KAZN: variants seen among roughly 807,000 people sequenced by gnomAD.
The protein encoded by KAZN is kazrin, periplakin interacting protein, also known as kazrin.
KAZN carries 40 observed loss-of-function variants against 87.4 expected under a neutral mutation model. The ratio of observed to expected loss-of-function variants is 0.46; its 90% CI spans 0.36 to 0.60. The LOEUF (loss-of-function observed/expected upper bound fraction) is 0.60. Among genes scored for constraint, KAZN ranks in the 20% least tolerant of loss-of-function variants. The probability of loss-of-function intolerance (pLI) is 0.00; values close to 1 mark genes in which losing one functional copy is unlikely to be tolerated. For missense variants in KAZN, 898 were observed against 1,073.9 expected, an observed-to-expected ratio of 0.84 and a Z score of 2.29; for synonymous variants, 466 against 458.3, an observed-to-expected ratio of 1.02 and a Z score of -0.22.
Position 15,049,853 on chromosome 1 carries a change from G to A in KAZN, c.726+5694G>A, listed in dbSNP as rs183993718. On this transcript the variant is annotated intron_variant, in intron 4 of 14. Coordinates refer to ENST00000376030, the MANE Select transcript of KAZN (RefSeq NM_201628.3). Reference sequence around the variant, plus strand: ...TAGGTTGGCCAACATGGTGAAACCCGTCTCTACTAAAAATACAAAAATTAG... The same window carrying A: ...TAGGTTGGCCAACATGGTGAAACCCATCTCTACTAAAAATACAAAAATTAG... Among the ~76,000 whole-genome samples, 428 of 152,136 alleles carry A rather than the reference G, an allele frequency of 2.8e-3. 3 individuals are homozygous for A. The highest frequency in any genetic ancestry group is 9.3e-3 in the African/African-American group (385 of 41,500).
At chr1:14,910,475 C>T (rs372667555) in intron 1 of KAZN, among the ~76,000 whole-genome samples, 1 of 152,192 alleles carries the variant, frequency 6.6e-6, no homozygotes, top group African/African-American at 2.4e-5. Flanking sequence ...TCATTCTGTG[C>T]ACCCACTAGA....
In KAZN at chr1:15,014,411, C is replaced by T. The variant is rs571671670; in HGVS notation, c.419-20338C>T. On this transcript the variant is annotated intron_variant, in intron 2 of 14. Coordinates refer to ENST00000376030, the MANE Select transcript of KAZN (RefSeq NM_201628.3). ...CAACCACAGTGCTCCACGGCGGAGG[C>T]TGGGTATGGTTATCATTGCTGCTCC... Among the ~76,000 whole-genome samples, 17 of 152,224 alleles carry T rather than the reference C, an allele frequency of 1.1e-4. No homozygotes were observed. In the East Asian group the frequency reaches 3.3e-3, roughly 29 times the overall value.
At chr1:13,909,356 G>C (rs185994582) in intron 1 of KAZN, among the ~76,000 whole-genome samples, 6 of 152,268 alleles carry the variant, frequency 3.9e-5, no homozygotes, top group Admixed American at 6.5e-5. Context: ...GTAAACCTAC[G>C]AAAGGCTGTG....
chr1:14,480,860 C>A lies in KAZN; in HGVS notation c.250-118123C>A, dbSNP rs570969349. 2.7e-5 allele frequency among the ~76,000 whole-genome samples: 4 copies of A among 146,676 alleles called. No individual in the cohort carries two copies. The East Asian group carries it at 7.8e-4, about 29-fold the overall frequency. ...CAAGGAACAGATTCTCACCCACTCC[C>A]CTTAGCTGCTCACATCTTCGACCTA... On this transcript the variant is annotated intron_variant, in intron 2 of 16. Transcript: ENST00000636203.
At chr1:14,825,654 C>T (rs781642422) in intron 1 of KAZN, among the ~76,000 whole-genome samples, 3 of 152,188 alleles carry the variant, frequency 2.0e-5, no homozygotes, top group African/African-American at 7.2e-5. Flanking sequence ...TAAGGGACCA[C>T]GTTGGGATTG....
chr1:14,332,001 A>G (rs1471463425), intron 2 of KAZN, among the ~76,000 whole-genome samples: 2 of 152,176 alleles, frequency 1.3e-5, no homozygotes, highest in Admixed American at 1.3e-4. Flanking sequence ...TCTGGAGTTG[A>G]CAGAGTTTCT....
At chr1:14,126,512 G>A (rs1450415062) in intron 1 of KAZN, among the ~76,000 whole-genome samples, 6 of 152,094 alleles carry the variant, frequency 3.9e-5, no homozygotes, top group Non-Finnish European at 8.8e-5. Flanking sequence ...TTCCTGGTAT[G>A]TTTCCTTTAC....
At chr1:14,533,592 A>G (rs762612250) in intron 2 of KAZN, among the ~76,000 whole-genome samples, 2 of 152,130 alleles carry the variant, frequency 1.3e-5, no homozygotes, top group South Asian at 2.1e-4. Context: ...GCAGACCCAT[A>G]ATAAATTTTA....
chr1:14,666,143 A>C (rs1639538076), intron 1 of KAZN, among the ~76,000 whole-genome samples: 1 of 152,028 alleles, frequency 6.6e-6, no homozygotes, highest in Non-Finnish European at 1.5e-5. Flanking sequence ...CTCCTACCCC[A>C]ACTTCTGGCC....
At chr1:14,941,676 A>G (rs746154730) in intron 1 of KAZN, among the ~76,000 whole-genome samples, 1 of 152,192 alleles carries the variant, frequency 6.6e-6, no homozygotes, top group African/African-American at 2.4e-5. Flanking sequence ...TCCAGAGATC[A>G]GGAGCAGGGA....
intron 1 of KAZN, among the ~76,000 whole-genome samples, chr1:14,866,401 G>A (rs372142687): frequency 1.1e-3 from 168 of 152,276 alleles, no homozygotes; most frequent in African/African-American, 3.8e-3. Flanking sequence ...TCATCCTTCT[G>A]TCCCTGGAGC....
rs138083768 is a variant in KAZN at position 15,060,230 on chromosome 1, C to T, written c.975C>T (p.Ala325=). The change falls in exon 6 of 15, where the codon GCC becomes GCT. Residue 325 remains alanine (A), a synonymous_variant. Transcript: ENST00000376030. ...CCTCTGTCATCTCCGACGCATCTGC[C>T]GCCGAAGGCGACCGGTCGTCCACAC... ...RQPSVISDAS[A]AEGDRSSTPS... The T allele has an allele frequency of 1.5e-4, 248 of 1,614,126 alleles. No individual in the cohort carries two copies. Among genetic ancestry groups the T allele is most frequent in the Admixed American group, 6.7e-4 (40 of 60,018 alleles).
At chr1:14,900,438 C>T (rs1463332367) in intron 1 of KAZN, among the ~76,000 whole-genome samples, 1 of 152,060 alleles carries the variant, frequency 6.6e-6, no homozygotes, top group Admixed American at 6.6e-5. Context: ...ATAGGGTCAT[C>T]AGAAGGATCG....
At chr1:14,764,371 G>GCC (rs1644827685) in intron 1 of KAZN, among the ~76,000 whole-genome samples, 4 of 99,766 alleles carry the variant, frequency 4.0e-5, no homozygotes, top group Admixed American at 9.3e-5. Flanking sequence ...AACCACTCCC[G>GCC]ACCCCCTCCC....
intron 1 of KAZN, among the ~76,000 whole-genome samples, chr1:14,037,519 A>G (rs932211848): frequency 1.3e-5 from 2 of 152,346 alleles, no homozygotes; most frequent in Admixed American, 1.3e-4. Context: ...GACCAAATTT[A>G]GAACCCTGAG....
At chr1:14,031,613 C>T (rs977032399) in intron 1 of KAZN, among the ~76,000 whole-genome samples, 3 of 152,192 alleles carry the variant, frequency 2.0e-5, no homozygotes, top group Non-Finnish European at 4.4e-5. Context: ...AGTTCTGTTG[C>T]TGGCTAGATT....
At chr1:14,471,472 G>T (rs917356066) in intron 2 of KAZN, among the ~76,000 whole-genome samples, 1 of 152,106 alleles carries the variant, frequency 6.6e-6, no homozygotes, top group African/African-American at 2.4e-5. Context: ...CATCGACTTT[G>T]GCTTTTGCTC....
chr1:15,082,637 G>C (rs1032084715), intron 8 of KAZN, among the ~76,000 whole-genome samples: 1 of 152,172 alleles, frequency 6.6e-6, no homozygotes, highest in Non-Finnish European at 1.5e-5. Flanking sequence ...GCCATGCAGG[G>C]TGGGCATAGG....
At chr1:14,198,095 G>A (rs1430162101) in intron 2 of KAZN, among the ~76,000 whole-genome samples, 6 of 152,068 alleles carry the variant, frequency 3.9e-5, no homozygotes, top group Non-Finnish European at 8.8e-5. Flanking sequence ...GTGGCATTTC[G>A]AGTTCTCAAG....
Sources: gnomAD v4.1 joint callset for allele counts (sites outside exome capture counted in the v4.1 genomes callset) on GRCh38, gnomAD v4.1.1 for gene constraint, MANE v1.5 for transcripts, NCBI Gene and HGNC (gene_info 2026-07-23, HGNC 2026-07-21) for gene names.